DPH6: variants seen among roughly 807,000 people sequenced by gnomAD.
The protein encoded by DPH6 is diphthamine biosynthesis 6.
A neutral mutation model predicts 38.2 loss-of-function variants in DPH6; 33 were observed. The observed-to-expected ratio is 0.86, with a 90% confidence interval of 0.65 to 1.15. The LOEUF (loss-of-function observed/expected upper bound fraction) is 1.15. Among genes scored for constraint, DPH6 ranks in the 50% most tolerant of loss-of-function variants. The pLI is 0.00. For synonymous variants in DPH6, 108 were observed against 103.0 expected (o/e 1.05, Z -0.30); for missense variants, 325 against 320.0 (o/e 1.02, Z -0.12).
chr15:35,398,962 G>T (rs2053183011), intron 6 of DPH6, among the ~76,000 whole-genome samples: 1 of 152,062 alleles, frequency 6.6e-6, no homozygotes, highest in Non-Finnish European at 1.5e-5. Flanking sequence ...AAAATAAATA[G>T]TTTATTTTTT....
At chr15:35,159,276 A>ACTC in the DPH6 span, among the ~76,000 whole-genome samples, 10 of 151,822 alleles carry the variant, frequency 6.6e-5, no homozygotes, top group African/African-American at 2.4e-4. Flanking sequence ...TGTAAGACCA[A>ACTC]CTCCTCTGCT....
At chr15:35,352,903 T>C (rs1452967365) in intron 3 of DPH6, among the ~76,000 whole-genome samples, 1 of 152,240 alleles carries the variant, frequency 6.6e-6, no homozygotes, top group Non-Finnish European at 1.5e-5. Context: ...ACCAACAGTG[T>C]AAAAGTGTTC....
At chr15:35,176,423 T>C in the DPH6 span, among the ~76,000 whole-genome samples, 1 of 152,088 alleles carries the variant, frequency 6.6e-6, no homozygotes, top group East Asian at 1.9e-4. Context: ...TTTATCTTCA[T>C]TCCCACCTTG....
the DPH6 span, among the ~76,000 whole-genome samples, chr15:35,192,585 T>C: frequency 6.6e-6 from 1 of 152,178 alleles, no homozygotes; most frequent in Non-Finnish European, 1.5e-5. Flanking sequence ...GATGGAGCCA[T>C]ATAATTTGGG....
chr15:35,331,731 G>T (rs1295527883), intron 3 of DPH6, among the ~76,000 whole-genome samples: 2 of 152,158 alleles, frequency 1.3e-5, no homozygotes, highest in African/African-American at 4.8e-5. Flanking sequence ...GATTTTCTGA[G>T]GAACTCTGTA....
intron 6 of DPH6, among the ~76,000 whole-genome samples, chr15:35,385,345 T>C (rs1050690995): frequency 6.6e-6 from 1 of 152,100 alleles, no homozygotes; most frequent in African/African-American, 2.4e-5. Context: ...ACGGTCACAA[T>C]AGCAAAGACT....
At chr15:35,210,068 G>A in the DPH6 span, among the ~76,000 whole-genome samples, 1 of 152,188 alleles carries the variant, frequency 6.6e-6, no homozygotes, top group Admixed American at 6.5e-5. Flanking sequence ...AGGATTTTCA[G>A]GGTATGGCTT....
At chr15:35,159,917 G>A in the DPH6 span, among the ~76,000 whole-genome samples, 2 of 151,996 alleles carry the variant, frequency 1.3e-5, no homozygotes, top group African/African-American at 4.8e-5. Flanking sequence ...GATGGAGCTG[G>A]AGGCCATTAT....
chr15:35,381,898 C>G lies in DPH6; in HGVS notation c.586G>C (p.Val196Leu). 1.9e-6 allele frequency: 3 copies of G among 1,611,620 alleles called. No homozygotes were observed. The highest frequency in any genetic ancestry group is 2.5e-6 in the Non-Finnish European group (3 of 1,179,190). The stretch of plus-strand genomic sequence containing the variant: ...TCTCCACCTTCTCCACAAACATGTA[C>G]TCCATACTTCTTAGAAAGCTGAAAA... ...YLIELSKKYG[V>L]HVCGEGGEYE... Residue 196 changes from valine (V) to leucine (L), a missense_variant, in exon 7 of 9, where the codon GTA becomes CTA. Transcript: ENST00000256538.
chr15:35,243,186 T>C (rs1016549625), intron 3 of DPH6, among the ~76,000 whole-genome samples: 1 of 141,654 alleles, frequency 7.1e-6, no homozygotes, highest in African/African-American at 2.6e-5. Context: ...TGACAAATGT[T>C]TCTTCTAACA....
chr15:35,327,589 C>T (rs2140855521), downstream of DPH6, among the ~76,000 whole-genome samples: 1 of 152,194 alleles, frequency 6.6e-6, no homozygotes, highest in East Asian at 1.9e-4. Context: ...TCGTGATCTG[C>T]CCACCTCGGC....
intron 2 of DPH6, 77 bp downstream of exon 2, chr15:35,542,336 G>T: frequency 2.5e-6 from 3 of 1,198,844 alleles, no homozygotes; most frequent in South Asian, 1.5e-5. Flanking sequence ...ATCTTTGTAC[G>T]GTATACCTGT....
intron 3 of DPH6, among the ~76,000 whole-genome samples, chr15:35,455,791 C>A (rs184990834): frequency 2.2e-4 from 33 of 152,140 alleles, no homozygotes; most frequent in Non-Finnish European, 4.7e-4. Context: ...TCCATCCTAG[C>A]CTGTGGATGT....
At chr15:35,385,995 G>C (rs1280470989) in intron 6 of DPH6, among the ~76,000 whole-genome samples, 1 of 151,742 alleles carries the variant, frequency 6.6e-6, no homozygotes, top group Non-Finnish European at 1.5e-5. Context: ...ATCCCTCCCT[G>C]CTACCCCCAC....
intron 3 of DPH6, among the ~76,000 whole-genome samples, chr15:35,245,232 CTTTTTTTT>C (rs71123123): frequency 1.2e-5 from 1 of 81,384 alleles, no homozygotes; most frequent in African/African-American, 4.5e-5. Flanking sequence ...ATTGTTCTTG[CTTTTTTTT>C]TTTTTTTTTT....
chr15:35,331,112 A>G (rs2052324063), intron 3 of DPH6: 1 of 152,202 alleles, frequency 6.6e-6, no homozygotes, highest in Non-Finnish European at 1.5e-5. Context: ...AAAACAGTAA[A>G]TGAGACCTAT....
At chr15:35,463,519 T>C (rs1241081926) in intron 3 of DPH6, among the ~76,000 whole-genome samples, 1 of 152,104 alleles carries the variant, frequency 6.6e-6, no homozygotes, top group Admixed American at 6.6e-5. Flanking sequence ...AAAAGACATA[T>C]TTTCAAAGGA....
At chr15:35,331,361 A>C (rs537906786) in intron 3 of DPH6, among the ~76,000 whole-genome samples, 1 of 152,310 alleles carries the variant, frequency 6.6e-6, no homozygotes, top group African/African-American at 2.4e-5. Flanking sequence ...TGAAGCATTT[A>C]AATGTACATT....
chr15:35,338,633 A>G (rs987240056), intron 3 of DPH6, among the ~76,000 whole-genome samples: 2 of 152,206 alleles, frequency 1.3e-5, no homozygotes, highest in African/African-American at 2.4e-5. Context: ...GCGATTCCTC[A>G]GGGATCTAGA....
Sources: allele counts gnomAD v4.1 joint callset (sites outside exome capture counted in the v4.1 genomes callset), GRCh38; gene constraint gnomAD v4.1.1; transcripts MANE v1.5; gene names NCBI Gene and HGNC (gene_info 2026-07-23, HGNC 2026-07-21).